The following TYK2 variants were observed in gnomAD, a reference collection of about 807,000 sequenced individuals.
TYK2 encodes the protein tyrosine kinase 2.
In TYK2, 65 loss-of-function variants were observed where a neutral mutation model predicts 130.9. The observed-to-expected ratio is 0.50, with a 90% CI of 0.41 to 0.61. The LOEUF (loss-of-function observed/expected upper bound fraction) is 0.61, where lower values mean the gene tolerates loss of function less well. Ranked by LOEUF, TYK2 falls within the 20% of genes least tolerant of loss-of-function variation. The pLI is 0.00. For missense variants in TYK2, 1,378 were observed against 1,610.7 expected (o/e 0.86, Z 2.47); for synonymous variants, 647 against 658.9 (o/e 0.98, Z 0.28).
chr19:10,379,540 T>TAAATAAAA (rs1568348255), intron 2 of TYK2, 75 bp downstream of exon 2: 2 of 150,040 alleles, frequency 1.3e-5, no homozygotes, highest in African/African-American at 4.9e-5. Context: ...AATAAATAAA[T>TAAATAAAA]AAAAAGTAAA....
At chr19:10,378,114 G>GTGGGTGGA in intron 3 of TYK2, 100 bp downstream of exon 3, 2 of 1,187,268 alleles carry the variant, frequency 1.7e-6, no homozygotes, top group South Asian at 2.6e-5. Flanking sequence ...GGGTGGATGG[G>GTGGGTGGA]TGGGTGGATG....
intron 12 of TYK2, 37 bp downstream of exon 12, chr19:10,362,041 G>A: frequency 6.2e-7 from 1 of 1,613,058 alleles, no homozygotes; most frequent in East Asian, 2.2e-5. Flanking sequence ...ATCCCCAGGG[G>A]CCCTGCCCTT....
chr19:10,369,630 C>T (rs1485875554), intron 3 of TYK2: 1 of 423,048 alleles, frequency 2.4e-6, no homozygotes, highest in Non-Finnish European at 4.7e-6. Context: ...CCCTCCATGT[C>T]CTGGGGCTCC....
chr19:10,363,106 C>T (rs1482066507), intron 9 of TYK2, among the ~76,000 whole-genome samples: 1 of 151,874 alleles, frequency 6.6e-6, no homozygotes, highest in Non-Finnish European at 1.5e-5. Context: ...AAATTCCTGA[C>T]CTCAGCTGAT....
At position 10,368,074 on chromosome 19, in the gene TYK2, A is replaced by T; in HGVS notation, c.446T>A (p.Phe149Tyr). The change falls in exon 5 of 25, where the codon TTT (phenylalanine) becomes TAT (tyrosine). Residue 149 changes from phenylalanine (F) to tyrosine (Y), a missense_variant. Coordinates refer to ENST00000525621, the MANE Select transcript of TYK2 (RefSeq NM_003331.5). Reference protein sequence around the residue: ...QGMQLLDPASFEYLFEQGKHE... With the variant: ...QGMQLLDPASYEYLFEQGKHE... ...TCATACCTGCTCAAAGAGGTACTCA[A>T]ATGAGGCTGGGTCCAGGAGTTGCAT... 1 of 1,614,136 alleles carries T rather than the reference A, an allele frequency of 6.2e-7. No individual in the cohort carries two copies. Among genetic ancestry groups the T allele is most frequent in the African/African-American group, 1.3e-5 (1 of 75,030 alleles).
At chr19:10,377,035 G>C (rs938547537) in intron 3 of TYK2, among the ~76,000 whole-genome samples, 1 of 152,052 alleles carries the variant, frequency 6.6e-6, no homozygotes, top group African/African-American at 2.4e-5. Context: ...TCAAGTTGCT[G>C]GGACTACAGG....
chr19:10,361,688 C>A lies in TYK2; in HGVS notation c.1959+82G>T. On this transcript the variant is annotated intron_variant, in intron 13 of 24. Transcript: ENST00000525621. This position sits in a 1 kb window ranked among gnomAD's most constrained non-coding sequence, Gnocchi z 4.0. ...ACACACCCCTCCCATCCCACCTCCTCCACAGACACACCCCTCCCATCCCAC... is the reference window on the plus strand; with the variant it reads ...ACACACCCCTCCCATCCCACCTCCTACACAGACACACCCCTCCCATCCCAC... 1 of 1,577,528 alleles carries A rather than the reference C, an allele frequency of 6.3e-7. No individual in the cohort carries two copies. Among genetic ancestry groups the A allele is most frequent in the Non-Finnish European group, 8.6e-7 (1 of 1,157,700 alleles).
In TYK2 at chr19:10,352,571, C is replaced by G; in HGVS notation, c.3201-20G>C. ...GCATACCTAGGGGGAGGGGGGCACT[C>G]AGGCCACGGGGGGCTGCACTGAGGG... On this transcript the variant is annotated intron_variant, in intron 22 of 24. Transcript: ENST00000525621. The G allele has an allele frequency of 7.9e-7, 1 of 1,264,224 alleles. No individual in the cohort carries two copies. The highest frequency in any genetic ancestry group is 1.4e-5 in the South Asian group (1 of 72,520). 78.3% of individuals were successfully genotyped at this position (1,264,224 alleles called of 1,614,324 possible). A position where few individuals can be genotyped will look rare whatever the true frequency, so the allele number is the denominator to read the frequency against.
In TYK2 at chr19:10,359,294, C is replaced by T; in HGVS notation, c.2056G>A (p.Val686Met). ...GGTCCGTGCTCCACGTACTCTGTCA[C>T]CATGATATCTGTAAAGACACAGCTG... ...VCVRGPENIM[V>M]TEYVEHGPLD... Residue 686 changes from valine (V) to methionine (M), a missense_variant, in exon 15 of 25, where the codon GTG becomes ATG. Val to Met is a conservative substitution (Grantham distance 21). Transcript: ENST00000525621. The T allele has an allele frequency of 6.2e-7, 1 of 1,611,370 alleles. No individual in the cohort carries two copies. Among genetic ancestry groups the T allele is most frequent in the Non-Finnish European group, 8.5e-7 (1 of 1,179,896 alleles).
intron 23 of TYK2, among the ~76,000 whole-genome samples, chr19:10,351,946 G>A (rs907444325): frequency 1.3e-5 from 2 of 150,958 alleles, no homozygotes; most frequent in Non-Finnish European, 2.9e-5. Context: ...CACCATGTTG[G>A]CCAGGCTGGT....
chr19:10,368,557 C>G lies in TYK2; in HGVS notation c.194-139G>C. The G allele has an allele frequency of 2.3e-6, 3 of 1,285,778 alleles. 1 individual carries two copies. The South Asian group carries it at 4.0e-5, about 17-fold the overall frequency. 79.6% of individuals were successfully genotyped at this position (1,285,778 alleles called of 1,614,324 possible). On this transcript the variant is annotated intron_variant, in intron 3 of 24. Transcript: ENST00000525621. Reference sequence around the variant, plus strand: ...CTGCAGCTTCAGTCTCACGTTGCCCCTGGGCAGAGGACAGTGCGTATGTTG... The same window carrying G: ...CTGCAGCTTCAGTCTCACGTTGCCCGTGGGCAGAGGACAGTGCGTATGTTG...
Position 10,364,616 on chromosome 19 carries a change from C to T in TYK2, c.1365G>A (p.Leu455=), listed in dbSNP as rs1599349339. 6.2e-7 allele frequency: 1 copy of T among 1,613,600 alleles called. No individual in the cohort carries two copies. Among genetic ancestry groups the T allele is most frequent in the African/African-American group, 1.3e-5 (1 of 74,946 alleles). ...AGCGCCCCCCACCCAGCACTCACAGCAGGGGTCCGTGGATCCCATCCCGGA... is the reference window on the plus strand; with the variant it reads ...AGCGCCCCCCACCCAGCACTCACAGTAGGGGTCCGTGGATCCCATCCCGGA... ...MSIRDGIHGP[L]LEPFVQAKLR... The change falls in exon 9 of 25, where the codon CTG becomes CTA. Residue 455 remains leucine, a splice_region_variant and synonymous_variant. Coordinates refer to ENST00000525621, the MANE Select transcript of TYK2 (RefSeq NM_003331.5). The surrounding 1 kb of genome is among the most constrained non-coding windows in gnomAD (Gnocchi z 4.9).
At chr19:10,366,326 G>T (rs1158558888) in intron 6 of TYK2, 91 bp downstream of exon 6, 2 of 1,370,134 alleles carry the variant, frequency 1.5e-6, no homozygotes, top group East Asian at 4.7e-5. Flanking sequence ...AAAAAGTAGA[G>T]GCACGGCAAT....
chr19:10,369,350 TC>T (rs764923664), intron 3 of TYK2, among the ~76,000 whole-genome samples: 14 of 151,660 alleles, frequency 9.2e-5, no homozygotes, highest in Non-Finnish European at 1.5e-4. Context: ...ACTCCAACCT[TC>T]CCTTCCTCTG....
chr19:10,353,479 G>A lies in TYK2; in HGVS notation c.3027+49C>T, dbSNP rs2040917911. 2 of 1,362,460 alleles carry A rather than the reference G, an allele frequency of 1.5e-6. No homozygotes were observed. The highest frequency in any genetic ancestry group is 5.0e-5 in the East Asian group (2 of 39,884). The allele number at this position is 1,362,460 out of a possible 1,614,324, so 84.4% of individuals were successfully genotyped here. On this transcript the variant is annotated intron_variant, in intron 21 of 24. Transcript: ENST00000525621. This position sits in a 1 kb window ranked among gnomAD's most constrained non-coding sequence, Gnocchi z 6.9. The stretch of plus-strand genomic sequence containing the variant: ...CACCGGATCGCTCAGGCCAGCCCAA[G>A]CTGAAGAGGAAGGGGCAAGCTCCAG...
chr19:10,356,492 G>C, intron 18 of TYK2, 76 bp downstream of exon 18: 3 of 1,579,886 alleles, frequency 1.9e-6, no homozygotes, highest in Non-Finnish European at 2.6e-6. Context: ...GAGACCTCTC[G>C]TGCGCTATAG....
Position 10,362,559 on chromosome 19 carries a change from T to C in TYK2, c.1466A>G (p.Gln489Arg), listed in dbSNP as rs1349507320. 5.8e-6 allele frequency: 9 copies of C among 1,555,098 alleles called. No individual in the cohort carries two copies. The highest frequency in any genetic ancestry group is 7.8e-6 in the Non-Finnish European group (9 of 1,148,962). ...HPYRLILTVA[Q>R]RSQAPDGMQS... ...CAGCCCTGGGCTCACCTGGCTACGC[T>C]GGGCCACTGTGAGGATCAGGCGGTA... The change falls in exon 10 of 25, where the codon CAG becomes CGG. Residue 489 changes from glutamine (Q) to arginine (R), a missense_variant. Coordinates refer to ENST00000525621, the MANE Select transcript of TYK2 (RefSeq NM_003331.5).
At position 10,375,348 on chromosome 19, in the gene TYK2, T is replaced by G. The variant is rs148837690; in HGVS notation, c.193+2866A>C. 6.8e-3 allele frequency among the ~76,000 whole-genome samples: 1,029 copies of G among 152,278 alleles called. 14 individuals are homozygous for G. Among genetic ancestry groups the G allele is most frequent in the African/African-American group, 0.023 (965 of 41,578 alleles). ...AAGGCCTTTCCTTGGTTGGGCATGGTGGCTCACGCCTGTAATCCCAGCACT... is the reference window on the plus strand; with the variant it reads ...AAGGCCTTTCCTTGGTTGGGCATGGGGGCTCACGCCTGTAATCCCAGCACT... On this transcript the variant is annotated intron_variant, in intron 3 of 24. Transcript: ENST00000525621.
intron 3 of TYK2, among the ~76,000 whole-genome samples, chr19:10,369,290 C>A (rs967040759): frequency 6.6e-6 from 1 of 152,098 alleles, no homozygotes; most frequent in Non-Finnish European, 1.5e-5. Flanking sequence ...CACAGGCCCC[C>A]CCTTAGATAT....
Sources: gnomAD v4.1 joint callset for allele counts (sites outside exome capture counted in the v4.1 genomes callset) on GRCh38, gnomAD v4.1.1 for gene constraint, Gnocchi (gnomAD v3.1) non-coding constraint, MANE v1.5 for transcripts, NCBI Gene and HGNC (gene_info 2026-07-23, HGNC 2026-07-21) for gene names.